The following CEP192 variants were observed in gnomAD, a reference collection of about 807,000 sequenced individuals.
The protein encoded by CEP192 is centrosomal protein of 192 kDa.
Under a neutral mutation model 271.8 loss-of-function variants are expected in CEP192, and 151 were observed. That is an observed-to-expected ratio of 0.56 (90% CI 0.49 to 0.64). The LOEUF is 0.64. Ranked by LOEUF, CEP192 falls within the 30% of genes least tolerant of loss-of-function variation. The pLI, the probability that CEP192 is intolerant of heterozygous loss-of-function variation, is 0.00. For missense variants in CEP192, 2,910 were observed against 3,020.5 expected (o/e 0.96, Z 0.86); for synonymous variants, 995 against 1,076.5 (o/e 0.92, Z 1.48).
chr18:13,068,789 T>C, intron 24 of CEP192, 63 bp from the exon 25 acceptor site: 1 of 1,587,824 alleles, frequency 6.3e-7, no homozygotes, highest in Non-Finnish European at 8.6e-7. Context: ...GTGGGACTGC[T>C]GATGGCATTT....
intron 12 of CEP192, among the ~76,000 whole-genome samples, chr18:13,037,931 C>T (rs1348326286): frequency 6.6e-6 from 1 of 151,998 alleles, no homozygotes; most frequent in Non-Finnish European, 1.5e-5. Flanking sequence ...TTATTTATGA[C>T]AATCTTATTT....
chr18:13,004,799 A>G (rs1343541390), intron 3 of CEP192, among the ~76,000 whole-genome samples: 1 of 152,208 alleles, frequency 6.6e-6, no homozygotes, highest in Non-Finnish European at 1.5e-5. Context: ...TTCCCCAGCC[A>G]CATTGAGCTG....
Position 13,099,571 on chromosome 18 carries a change from A to T in CEP192, c.6653A>T (p.Asp2218Val), listed in dbSNP as rs1244442525. The change falls in exon 37 of 45, where the codon GAT becomes GTT. Residue 2218 changes from aspartate to valine, a missense_variant. Coordinates refer to ENST00000506447, the MANE Select transcript of CEP192 (RefSeq NM_032142.4). ...GGTTTGATCTATATACACTGTGACG[A>T]TGGACAGAAGGTACTTTTAAAAGTG... ...WSGLIYIHCD[D>V]GQKKIVKVQI... 7 of 1,537,058 alleles carry T rather than the reference A, an allele frequency of 4.6e-6. No individual in the cohort carries two copies. The highest frequency in any genetic ancestry group is 6.2e-6 in the Non-Finnish European group (7 of 1,136,934).
chr18:13,042,278 A>C lies in CEP192; in HGVS notation c.2011A>C (p.Thr671Pro). The C allele has an allele frequency of 6.2e-7, 1 of 1,613,754 alleles. No individual in the cohort carries two copies. Among genetic ancestry groups the C allele is most frequent in the Admixed American group, 1.7e-5 (1 of 60,020 alleles). The stretch of plus-strand genomic sequence containing the variant: ...ACTTCAGGTTGAAGCAGTAGAGAGT[A>C]CTTCACAAGTGGATGAAAATGATGT... Reference protein sequence around the residue: ...ITLQVEAVESTSQVDENDVTL... With the variant: ...ITLQVEAVESPSQVDENDVTL... Residue 671 changes from threonine (T) to proline (P), a missense_variant, in exon 15 of 45, where the codon ACT becomes CCT. Thr to Pro is a conservative substitution (Grantham distance 38). Transcript: ENST00000506447.
intron 21 of CEP192, among the ~76,000 whole-genome samples, chr18:13,061,121 G>A (rs567675621): frequency 2.7e-3 from 413 of 152,278 alleles, no homozygotes; most frequent in Non-Finnish European, 4.7e-3. Flanking sequence ...TCAGGAGTTA[G>A]CAACCAGCCT....
intron 30 of CEP192, among the ~76,000 whole-genome samples, chr18:13,074,128 G>C (rs964202139): frequency 2.6e-5 from 4 of 151,976 alleles, no homozygotes; most frequent in African/African-American, 9.7e-5. Flanking sequence ...TGGGGCTGGG[G>C]CTCAAATTTT....
At chr18:13,093,442 C>G (rs1025734996) in intron 34 of CEP192, among the ~76,000 whole-genome samples, 1 of 152,176 alleles carries the variant, frequency 6.6e-6, no homozygotes, top group Non-Finnish European at 1.5e-5. Context: ...AGTTCCTTAG[C>G]CTTTCCTTAT....
chr18:13,016,283 G>A (rs1008009537), intron 6 of CEP192, among the ~76,000 whole-genome samples: 2 of 152,164 alleles, frequency 1.3e-5, no homozygotes, highest in Non-Finnish European at 2.9e-5. Flanking sequence ...TCAGGAAGCA[G>A]GAACAGCATC....
At chr18:13,116,265 A>G (rs1403678374) in intron 42 of CEP192, 112 bp from the exon 43 acceptor site, 2 of 1,026,386 alleles carry the variant, frequency 1.9e-6, no homozygotes, top group African/African-American at 3.4e-5. Flanking sequence ...TTTGAAAATA[A>G]ATCACCAGGA....
intron 44 of CEP192, among the ~76,000 whole-genome samples, chr18:13,117,891 A>G (rs2040505130): frequency 6.6e-6 from 1 of 152,188 alleles, no homozygotes; most frequent in Non-Finnish European, 1.5e-5. Context: ...GACTCCTCCC[A>G]CCCAGGATTT....
rs2034127201 is a variant in CEP192 at position 13,008,582 on chromosome 18, G to T, written c.417G>T (p.Leu139Phe). The change falls in exon 4 of 45, where the codon TTG (leucine) becomes TTT (phenylalanine). Residue 139 changes from leucine (L) to phenylalanine (F), a missense_variant. Coordinates refer to ENST00000506447, the MANE Select transcript of CEP192 (RefSeq NM_032142.4). ...AGCCAGCCGGAGCTACAGAATCCTT[G>T]CAGGGCCAAGATCTCTTCAACAGGG... ...EEEPAGATES[L>F]QGQDLFNRAS... 1 of 1,551,530 alleles carries T rather than the reference G, an allele frequency of 6.4e-7. No homozygotes were observed. Among genetic ancestry groups the T allele is most frequent in the African/African-American group, 1.4e-5 (1 of 73,024 alleles).
At chr18:13,075,808 C>T (rs575885142) in intron 30 of CEP192, among the ~76,000 whole-genome samples, 1 of 152,190 alleles carries the variant, frequency 6.6e-6, no homozygotes, top group South Asian at 2.1e-4. Context: ...GAGAGAGATA[C>T]GTGGCCGTGA....
In CEP192 at chr18:13,089,559, A is replaced by G. The variant is rs777212125; in HGVS notation, c.6097A>G (p.Thr2033Ala). The change falls in exon 33 of 45, where the codon ACT (threonine) becomes GCT (alanine). Residue 2033 changes from threonine to alanine, a missense_variant. Transcript: ENST00000506447. ...AGCATTTCAAGATGAGCTATTAGTA[A>G]CTGAAGGTAAGAATTCCGGCGTGTC... ...VEAFQDELLVTEVYDLPQRPN... is the reference protein window; with the variant it reads ...VEAFQDELLVAEVYDLPQRPN... 1.3e-5 allele frequency: 19 copies of G among 1,494,112 alleles called. No individual in the cohort carries two copies. The Admixed American group carries it at 3.4e-4, about 26-fold the overall frequency. 92.6% of individuals were successfully genotyped at this position (1,494,112 alleles called of 1,614,324 possible).
intron 21 of CEP192, 30 bp from the exon 22 acceptor site, chr18:13,067,801 C>A: frequency 6.3e-7 from 1 of 1,578,480 alleles, no homozygotes; most frequent in South Asian, 1.1e-5. Context: ...TATTGCTTTT[C>A]ATAAATCATT....
At chr18:13,082,218 AATT>A (rs1425580759) in intron 30 of CEP192, among the ~76,000 whole-genome samples, 1 of 152,004 alleles carries the variant, frequency 6.6e-6, no homozygotes, top group African/African-American at 2.4e-5. Context: ...TAAAGTCTCC[AATT>A]ATTATTGTCT....
chr18:13,049,363 T>C lies in CEP192; in HGVS notation c.2572T>C (p.Phe858Leu). Residue 858 changes from phenylalanine to leucine, a missense_variant, in exon 16 of 45, where the codon TTT becomes CTT. Transcript: ENST00000506447. ...TGGAGAGAGTGAGAATCAAGAGTCA[T>C]TTAGAACCATAAACTCCTCAAATTC... Reference protein sequence around the residue: ...ENGESENQESFRTINSSNSVT... With the variant: ...ENGESENQESLRTINSSNSVT... The C allele has an allele frequency of 1.2e-6, 2 of 1,614,100 alleles. No individual in the cohort carries two copies. The highest frequency in any genetic ancestry group is 1.7e-6 in the Non-Finnish European group (2 of 1,179,998).
At chr18:13,042,929 A>G (rs2036285546) in intron 15 of CEP192, among the ~76,000 whole-genome samples, 1 of 152,202 alleles carries the variant, frequency 6.6e-6, no homozygotes, top group Admixed American at 6.5e-5. Flanking sequence ...GAAGTGTGCA[A>G]ACGTTCATAT....
intron 12 of CEP192, among the ~76,000 whole-genome samples, 157 bp downstream of exon 12, chr18:13,037,458 A>T (rs1186864262): frequency 6.6e-6 from 1 of 152,222 alleles, no homozygotes; most frequent in Non-Finnish European, 1.5e-5. Flanking sequence ...CTCATACTCT[A>T]AATAAAATAC....
At chr18:13,053,603 G>A (rs1598460182) in intron 18 of CEP192, among the ~76,000 whole-genome samples, 1 of 152,138 alleles carries the variant, frequency 6.6e-6, no homozygotes, top group Non-Finnish European at 1.5e-5. Context: ...AGAAGAGGGG[G>A]GACCAAACCG....
Sources: gnomAD v4.1 joint callset for allele counts (sites outside exome capture counted in the v4.1 genomes callset) on GRCh38, gnomAD v4.1.1 for gene constraint, MANE v1.5 for transcripts, NCBI Gene and HGNC (gene_info 2026-07-23, HGNC 2026-07-21) for gene names.